Variants in ZSWIM5 observed in about 807,000 individuals in gnomAD.
The protein encoded by ZSWIM5 is zinc finger SWIM-type containing 5, also known as zinc finger SWIM domain-containing protein 5.
ZSWIM5 carries 55 observed loss-of-function variants against 119.6 expected under a neutral mutation model. The ratio of observed to expected loss-of-function variants is 0.46; its 90% CI spans 0.37 to 0.58. The LOEUF (loss-of-function observed/expected upper bound fraction) is 0.58, where lower values mean the gene tolerates loss of function less well. Ranked by LOEUF, ZSWIM5 falls within the 20% of genes least tolerant of loss-of-function variation. ZSWIM5 has a pLI of 0.00. For missense variants in ZSWIM5, 1,193 were observed against 1,512.8 expected, an observed-to-expected ratio of 0.79 and a Z score of 3.51; for synonymous variants, 537 against 606.9, an observed-to-expected ratio of 0.88 and a Z score of 1.69.
At chr1:45,042,744 C>T (rs1645023883) in intron 6 of ZSWIM5, among the ~76,000 whole-genome samples, 1 of 152,206 alleles carries the variant, frequency 6.6e-6, no homozygotes, top group Non-Finnish European at 1.5e-5. Flanking sequence ...CAGCTCTATC[C>T]TGTTATCATG....
At chr1:45,153,350 A>G (rs1645809227) in intron 1 of ZSWIM5, among the ~76,000 whole-genome samples, 1 of 151,676 alleles carries the variant, frequency 6.6e-6, no homozygotes, top group Non-Finnish European at 1.5e-5. Context: ...TGCGAAAAAT[A>G]TAAAAATTAG....
At chr1:45,201,226 T>C (rs188756514) in intron 1 of ZSWIM5, among the ~76,000 whole-genome samples, 1 of 152,352 alleles carries the variant, frequency 6.6e-6, no homozygotes, top group Admixed American at 6.5e-5. Context: ...AGCATAGCAC[T>C]GCCAACACCT....
chr1:45,117,659 AGACCTT>A (rs985729356), intron 1 of ZSWIM5, among the ~76,000 whole-genome samples: 19 of 152,222 alleles, frequency 1.2e-4, no homozygotes, highest in African/African-American at 4.6e-4. Flanking sequence ...TAACAGAGAG[AGACCTT>A]GTTTCAAAAA....
In ZSWIM5 at chr1:45,019,226, G is replaced by C. The variant is rs1644872931; in HGVS notation, c.2786C>G (p.Ser929Cys). The C allele has an allele frequency of 6.2e-7, 1 of 1,613,706 alleles. No individual in the cohort carries two copies. The highest frequency in any genetic ancestry group is 1.3e-5 in the African/African-American group (1 of 75,022). Residue 929 changes from serine to cysteine, a missense_variant, in exon 14 of 14, where the codon TCC becomes TGC. Ser to Cys is a moderately radical substitution (Grantham distance 112). Coordinates refer to ENST00000359600, the MANE Select transcript of ZSWIM5 (RefSeq NM_020883.2). This position sits in a 1 kb window ranked among gnomAD's most constrained non-coding sequence, Gnocchi z 5.0. Reference protein sequence around the residue: ...ATSIVAATAVSHTTILRLSLD... With the variant: ...ATSIVAATAVCHTTILRLSLD... ...ACTGAGGCGCAGGATAGTGGTGTGG[G>C]ATACGGCTGTGGCAGCTACAATACT...
intron 10 of ZSWIM5, 37 bp downstream of exon 10, chr1:45,035,651 T>A: frequency 6.2e-7 from 1 of 1,606,482 alleles, no homozygotes; most frequent in Non-Finnish European, 8.5e-7. Context: ...CACTTCTGCT[T>A]TGGTGGAGGC....
intron 1 of ZSWIM5, among the ~76,000 whole-genome samples, chr1:45,103,277 C>T (rs1645451118): frequency 6.6e-6 from 1 of 152,184 alleles, no homozygotes; most frequent in Non-Finnish European, 1.5e-5. Flanking sequence ...ACTGGATATA[C>T]TTACTACATG....
chr1:45,080,124 C>T (rs1012894725), intron 2 of ZSWIM5, among the ~76,000 whole-genome samples: 1 of 152,210 alleles, frequency 6.6e-6, no homozygotes, highest in Non-Finnish European at 1.5e-5. Flanking sequence ...CCCTCAGCTA[C>T]CCCAGCTGGT....
intron 1 of ZSWIM5, among the ~76,000 whole-genome samples, chr1:45,155,350 G>A (rs988880193): frequency 6.6e-6 from 1 of 152,064 alleles, no homozygotes; most frequent in Non-Finnish European, 1.5e-5. Context: ...CTGCAAGAAT[G>A]GCCATTATCA....
chr1:45,083,012 A>G (rs1052478151), intron 2 of ZSWIM5, among the ~76,000 whole-genome samples: 9 of 152,274 alleles, frequency 5.9e-5, no homozygotes, highest in African/African-American at 2.2e-4. Context: ...GTACAGAGCT[A>G]TTCTTCTCTC....
intron 1 of ZSWIM5, among the ~76,000 whole-genome samples, chr1:45,139,455 T>C (rs1163821310): frequency 9.6e-5 from 10 of 103,676 alleles, no homozygotes; most frequent in African/African-American, 1.8e-4. Flanking sequence ...CTCCCTCCCC[T>C]CTCCCTCCCT....
intron 1 of ZSWIM5, among the ~76,000 whole-genome samples, chr1:45,157,171 G>A (rs992088506): frequency 6.6e-5 from 10 of 151,300 alleles, no homozygotes; most frequent in African/African-American, 2.4e-4. Context: ...TTTTCACTCA[G>A]CATATTATTA....
chr1:45,183,677 T>A, intron 1 of ZSWIM5, among the ~76,000 whole-genome samples: 1 of 152,046 alleles, frequency 6.6e-6, no homozygotes, highest in Admixed American at 6.6e-5. Context: ...TGGAAACATA[T>A]ACTCTCCCAA....
intron 4 of ZSWIM5, 63 bp from the exon 5 acceptor site, chr1:45,051,316 G>T: frequency 2.1e-6 from 3 of 1,417,256 alleles, no homozygotes; most frequent in South Asian, 1.5e-5. Context: ...AAGCCTTAAT[G>T]TTTCAGTTTC....
chr1:45,051,108 G>C lies in ZSWIM5; in HGVS notation c.1398C>G (p.Thr466=). Residue 466 remains threonine, a synonymous_variant, in exon 5 of 14, where the codon ACC becomes ACG. Transcript: ENST00000359600. ...GAATGGCACTCTGGGGAAGTGCATT[G>C]GTGATGTTGGGCAGCTCATGTCCAT... The part of the protein sequence containing the change: ...GNYGHELPNI[T]NALPQSAIHS... 1 of 1,614,170 alleles carries C rather than the reference G, an allele frequency of 6.2e-7. No individual in the cohort carries two copies. Among genetic ancestry groups the C allele is most frequent in the Non-Finnish European group, 8.5e-7 (1 of 1,180,014 alleles).
chr1:45,043,988 A>G (rs1645032006), intron 5 of ZSWIM5, among the ~76,000 whole-genome samples: 1 of 152,122 alleles, frequency 6.6e-6, no homozygotes, highest in Non-Finnish European at 1.5e-5. Context: ...GTTCAAGACC[A>G]GCCTGGGCAA....
intron 11 of ZSWIM5, among the ~76,000 whole-genome samples, chr1:45,023,599 G>A (rs753990173): frequency 2.2e-4 from 33 of 149,378 alleles, no homozygotes; most frequent in Non-Finnish European, 3.2e-4. Context: ...TTATTTATCC[G>A]TTCACCTTTT....
intron 2 of ZSWIM5, among the ~76,000 whole-genome samples, chr1:45,078,383 G>A (rs1204509873): frequency 6.6e-6 from 1 of 152,098 alleles, no homozygotes; most frequent in Non-Finnish European, 1.5e-5. Context: ...CTGCTTTAGT[G>A]GTCACCCCAA....
At chr1:45,063,649 G>A (rs1018894362) in intron 2 of ZSWIM5, among the ~76,000 whole-genome samples, 6 of 152,022 alleles carry the variant, frequency 3.9e-5, no homozygotes, top group South Asian at 2.1e-4. Flanking sequence ...AAACCCAACC[G>A]TTCTCATTGT....
At chr1:45,199,506 G>T (rs1481545063) in intron 1 of ZSWIM5, among the ~76,000 whole-genome samples, 1 of 151,964 alleles carries the variant, frequency 6.6e-6, no homozygotes, top group East Asian at 1.9e-4. Context: ...TCACCATGTT[G>T]GCCAGGATGG....
Sources: allele counts gnomAD v4.1 joint callset (sites outside exome capture counted in the v4.1 genomes callset), GRCh38; gene constraint gnomAD v4.1.1; non-coding constraint Gnocchi (gnomAD v3.1); transcripts MANE v1.5; gene names NCBI Gene and HGNC (gene_info 2026-07-23, HGNC 2026-07-21).